Variants in LARS1 observed in about 807,000 individuals in gnomAD.
LARS1 encodes the protein leucine--tRNA ligase, cytoplasmic.
LARS1 carries 100 observed loss-of-function variants against 162.8 expected under a neutral mutation model. The observed-to-expected ratio is 0.61, with a 90% CI of 0.52 to 0.73. The LOEUF is 0.73. Ranked by LOEUF, LARS1 falls within the 30% of genes least tolerant of loss-of-function variation. The pLI, the probability that LARS1 is intolerant of heterozygous loss-of-function variation, is 0.00. For missense variants in LARS1, 1,258 were observed against 1,408.9 expected, an observed-to-expected ratio of 0.89 and a Z score of 1.71; for synonymous variants, 457 against 462.8, an observed-to-expected ratio of 0.99 and a Z score of 0.16.
At chr5:146,176,656 T>C (rs528316221) in intron 2 of LARS1, among the ~76,000 whole-genome samples, 4 of 152,274 alleles carry the variant, frequency 2.6e-5, no homozygotes, top group African/African-American at 9.6e-5. Flanking sequence ...TATCTTATAA[T>C]TGATGCATAC....
Position 146,140,186 on chromosome 5 carries a change from A to G in LARS1, c.2148+18T>C. The G allele has an allele frequency of 1.3e-6, 2 of 1,597,804 alleles. No individual in the cohort carries two copies. Among genetic ancestry groups the G allele is most frequent in the Non-Finnish European group, 1.7e-6 (2 of 1,166,340 alleles). On this transcript the variant is annotated intron_variant, in intron 21 of 31. Transcript: ENST00000394434. ...CCTTCCACAGAATTTTAAACTTTTA[A>G]GATGCAATAAGCCTTACCTTCTCAG...
intron 6 of LARS1, among the ~76,000 whole-genome samples, chr5:146,164,049 A>G (rs1180317947): frequency 6.6e-6 from 1 of 152,198 alleles, no homozygotes; most frequent in African/African-American, 2.4e-5. Context: ...AACAATTAGA[A>G]TAATAACATC....
At chr5:146,148,352 T>C (rs1187792418) in intron 15 of LARS1, among the ~76,000 whole-genome samples, 1 of 152,264 alleles carries the variant, frequency 6.6e-6, no homozygotes, top group East Asian at 1.9e-4. Flanking sequence ...TTCTCTGAGA[T>C]GGAACTGAAA....
At chr5:146,152,369 A>G (rs1430750572) in intron 13 of LARS1, among the ~76,000 whole-genome samples, 2 of 152,182 alleles carry the variant, frequency 1.3e-5, no homozygotes, top group Non-Finnish European at 2.9e-5. Context: ...GTACCAGTCC[A>G]TGGCATTAGG....
At chr5:146,173,829 T>G (rs978323482) in intron 2 of LARS1, among the ~76,000 whole-genome samples, 8 of 152,140 alleles carry the variant, frequency 5.3e-5, no homozygotes, top group African/African-American at 1.7e-4. Flanking sequence ...TTGAATAGTT[T>G]GCACACTTGG....
rs17104266 is a variant in LARS1 at position 146,129,817 on chromosome 5, G to A, written c.2628+201C>T. 0.061 allele frequency among the ~76,000 whole-genome samples: 9,322 copies of A among 152,174 alleles called. 329 individuals carry two copies. The highest frequency in any genetic ancestry group is 0.069 in the Non-Finnish European group (4,682 of 68,012). Reference sequence around the variant, plus strand: ...TTTAAAAATATGTATGCACTGTTGTGTATATAAATAAGGGCACATATATCC... The same window carrying A: ...TTTAAAAATATGTATGCACTGTTGTATATATAAATAAGGGCACATATATCC... On this transcript the variant is annotated intron_variant, in intron 25 of 31. Transcript: ENST00000394434.
chr5:146,159,059 G>A (rs1753656480), intron 8 of LARS1, among the ~76,000 whole-genome samples: 1 of 151,486 alleles, frequency 6.6e-6, no homozygotes, highest in Admixed American at 6.6e-5. Flanking sequence ...TAGCACCACT[G>A]CAGTCCGGTC....
intron 15 of LARS1, among the ~76,000 whole-genome samples, chr5:146,145,047 T>C (rs1402269366): frequency 6.6e-6 from 1 of 152,128 alleles, no homozygotes; most frequent in East Asian, 1.9e-4. Context: ...GGGCTTCCTA[T>C]GACAGTTTTT....
chr5:146,120,523 ATGAT>A lies in LARS1; in HGVS notation c.3193-24_3193-21del, dbSNP rs768375215. ...ACCAGGCTAGGAAAACAACAAGAAA[ATGAT>A]TGTTTAACTTGAATACTGCTGAGGG... On this transcript the variant is annotated intron_variant, in intron 30 of 31. Coordinates refer to ENST00000394434, the MANE Select transcript of LARS1 (RefSeq NM_020117.11). 6.2e-7 allele frequency: 1 copy of A among 1,605,746 alleles called. No homozygotes were observed. The highest frequency in any genetic ancestry group is 8.5e-7 in the Non-Finnish European group (1 of 1,176,822).
intron 27 of LARS1, among the ~76,000 whole-genome samples, chr5:146,126,867 CATATT>C (rs1752073300): frequency 6.6e-6 from 1 of 151,988 alleles, no homozygotes; most frequent in African/African-American, 2.4e-5. Flanking sequence ...TTTTATTAGT[CATATT>C]AAAATAAAAA....
rs139601673 is a variant in LARS1, at chr5:146,149,865, ATAAC to A, written c.1426-170_1426-167del. Among the ~76,000 whole-genome samples the A allele has an allele frequency of 3.2e-3, 489 of 152,280 alleles. 1 individual carries two copies. The highest frequency in any genetic ancestry group is 0.011 in the African/African-American group (457 of 41,562). On this transcript the variant is annotated intron_variant, in intron 14 of 31. Coordinates refer to ENST00000394434, the MANE Select transcript of LARS1 (RefSeq NM_020117.11). Reference sequence around the variant, plus strand: ...AATTTTTCATTTTGGTATAGCATGGATAACTAATATTTATAACACACTTATCGTT... The same window carrying A: ...AATTTTTCATTTTGGTATAGCATGGATAATATTTATAACACACTTATCGTT...
At chr5:146,141,976 C>T (rs1347077230) in intron 20 of LARS1, among the ~76,000 whole-genome samples, 1 of 152,092 alleles carries the variant, frequency 6.6e-6, no homozygotes, top group African/African-American at 2.4e-5. Flanking sequence ...GCCTGGCTAA[C>T]ACGGTTAAAC....
At chr5:146,139,367 GAA>G (rs80044673) in intron 21 of LARS1, among the ~76,000 whole-genome samples, 3 of 145,924 alleles carry the variant, frequency 2.1e-5, no homozygotes, top group Admixed American at 1.4e-4. Flanking sequence ...AAAAGAAAAA[GAA>G]AAAAAAAGGA....
chr5:146,149,322 A>C (rs1354920669), intron 15 of LARS1, among the ~76,000 whole-genome samples: 1 of 152,206 alleles, frequency 6.6e-6, no homozygotes, highest in Non-Finnish European at 1.5e-5. Flanking sequence ...AGGACGACAG[A>C]AACACCACAG....
chr5:146,126,777 GA>G (rs2126401734), intron 27 of LARS1, among the ~76,000 whole-genome samples: 1 of 152,158 alleles, frequency 6.6e-6, no homozygotes, highest in East Asian at 1.9e-4. Flanking sequence ...AAGAGAAAAA[GA>G]AGTGATTTGT....
intron 28 of LARS1, among the ~76,000 whole-genome samples, chr5:146,125,980 A>G (rs1044115340): frequency 1.1e-4 from 16 of 152,032 alleles, no homozygotes; most frequent in Non-Finnish European, 1.9e-4. Flanking sequence ...ACAGTGCACA[A>G]GAAAGTGCCC....
chr5:146,126,701 C>T (rs1031598191), intron 27 of LARS1, among the ~76,000 whole-genome samples, 156 bp from the exon 28 acceptor site: 4 of 151,984 alleles, frequency 2.6e-5, no homozygotes, highest in African/African-American at 9.7e-5. Context: ...AGTGAAAGCT[C>T]AATGAACAAT....
intron 2 of LARS1, among the ~76,000 whole-genome samples, chr5:146,176,186 G>A (rs1014110979): frequency 2.0e-5 from 3 of 151,982 alleles, no homozygotes; most frequent in African/African-American, 7.2e-5. Context: ...AGGCACGGTG[G>A]CTTATGCCTG....
At position 146,126,463 on chromosome 5, in the gene LARS1, T is replaced by G. The variant is rs202154093; in HGVS notation, c.2963A>C (p.Lys988Thr). 14 of 1,611,674 alleles carry G rather than the reference T, an allele frequency of 8.7e-6. No individual in the cohort carries two copies. ...AATCATGGCAACAAATGGCATGACT[T>G]TCTTCATGTATTTCTTCAGTTCTGG... ...SMPELKKYMK[K>T]VMPFVAMIKE... Residue 988 changes from lysine (K) to threonine (T), a missense_variant, in exon 28 of 32, where the codon AAA becomes ACA. Physicochemically the swap from Lys to Thr is moderately conservative, Grantham distance 78. Transcript: ENST00000394434.
Sources: allele counts gnomAD v4.1 joint callset (sites outside exome capture counted in the v4.1 genomes callset), GRCh38; gene constraint gnomAD v4.1.1; transcripts MANE v1.5; gene names NCBI Gene and HGNC (gene_info 2026-07-23, HGNC 2026-07-21).